Variants in FBXO36 observed in about 807,000 individuals in gnomAD.
FBXO36 encodes F-box only protein 36.
FBXO36 carries 18 observed loss-of-function variants against 17.0 expected under a neutral mutation model. The observed-to-expected ratio is 1.06, with a 90% CI of 0.73 to 1.57. The LOEUF (loss-of-function observed/expected upper bound fraction) is 1.57, where lower values mean the gene tolerates loss of function less well. FBXO36 is among the 40% of genes most tolerant of loss of function. The probability of loss-of-function intolerance (pLI) is 0.00; values close to 1 mark genes in which losing one functional copy is unlikely to be tolerated. For synonymous variants in FBXO36, 83 were observed against 85.3 expected (o/e 0.97, Z 0.15); for missense variants, 229 against 221.9 (o/e 1.03, Z -0.20).
At chr2:229,961,403 A>G (rs2077120107) in intron 1 of FBXO36, among the ~76,000 whole-genome samples, 2 of 151,862 alleles carry the variant, frequency 1.3e-5, no homozygotes, top group Admixed American at 6.6e-5. Flanking sequence ...TTGAGACGGC[A>G]TCTTGCTCTG....
chr2:229,965,419 C>T (rs1354769722), intron 1 of FBXO36, among the ~76,000 whole-genome samples: 3 of 151,002 alleles, frequency 2.0e-5, no homozygotes, highest in Non-Finnish European at 4.4e-5. Context: ...TACATGTGTA[C>T]AACATGCAGG....
Position 229,996,310 on chromosome 2 carries a change from A to G in FBXO36, c.206-441A>G, listed in dbSNP as rs144811478. On this transcript the variant is annotated intron_variant, in intron 2 of 3. Coordinates refer to ENST00000283946, the MANE Select transcript of FBXO36 (RefSeq NM_174899.5). ...TTAAATAAGAGATCAAATGTCAGCT[A>G]AAATTAGGAGACAATGTGTTTTAGA... Among the ~76,000 whole-genome samples the G allele has an allele frequency of 5.1e-3, 779 of 152,240 alleles. 5 individuals are homozygous for G. The highest frequency in any genetic ancestry group is 0.017 in the African/African-American group (727 of 41,550).
intron 1 of FBXO36, among the ~76,000 whole-genome samples, chr2:229,959,817 G>A (rs1390697092): frequency 2.0e-5 from 3 of 151,764 alleles, no homozygotes; most frequent in Admixed American, 6.6e-5. Context: ...CTGCACTCCA[G>A]CCTAGGCAAC....
intron 1 of FBXO36, among the ~76,000 whole-genome samples, chr2:229,951,379 G>C (rs1020067501): frequency 6.6e-6 from 1 of 152,078 alleles, no homozygotes; most frequent in African/African-American, 2.4e-5. Context: ...AAGTAGCTGG[G>C]ATTACAGGCA....
At chr2:229,937,347 T>G (rs1158823752) in intron 1 of FBXO36, among the ~76,000 whole-genome samples, 4 of 151,582 alleles carry the variant, frequency 2.6e-5, no homozygotes, top group Admixed American at 6.6e-5. Flanking sequence ...ATACAAAAAT[T>G]AGCCGAGTGT....
intron 1 of FBXO36, among the ~76,000 whole-genome samples, chr2:229,925,270 G>A (rs899520688): frequency 1.3e-5 from 2 of 151,958 alleles, no homozygotes; most frequent in Non-Finnish European, 2.9e-5. Context: ...TAATCTCCAA[G>A]CTAATTAATT....
chr2:230,003,209 TAAA>T (rs397872634), intron 3 of FBXO36, among the ~76,000 whole-genome samples: 22 of 104,572 alleles, frequency 2.1e-4, no homozygotes, highest in African/African-American at 5.3e-4. Context: ...GACTCCGTCT[TAAA>T]AAAAAAAAAA....
At chr2:229,929,214 G>A (rs976086937) in intron 1 of FBXO36, among the ~76,000 whole-genome samples, 8 of 152,016 alleles carry the variant, frequency 5.3e-5, no homozygotes, top group Admixed American at 2.0e-4. Flanking sequence ...GATTACAGGC[G>A]TGAGCCACTG....
chr2:229,998,966 C>G (rs1269215261), intron 3 of FBXO36, among the ~76,000 whole-genome samples: 1 of 151,490 alleles, frequency 6.6e-6, no homozygotes, highest in African/African-American at 2.4e-5. Flanking sequence ...CCACACCCGG[C>G]TAATTTTTTG....
chr2:229,985,716 T>G (rs2077264794), intron 2 of FBXO36, among the ~76,000 whole-genome samples: 1 of 152,130 alleles, frequency 6.6e-6, no homozygotes, highest in Non-Finnish European at 1.5e-5. Flanking sequence ...GATTAAAAAT[T>G]GAAATAATGC....
intron 1 of FBXO36, among the ~76,000 whole-genome samples, chr2:229,942,406 ACCCTGCAT>A (rs2106164536): frequency 6.6e-6 from 1 of 151,996 alleles, no homozygotes; most frequent in Non-Finnish European, 1.5e-5. Context: ...GTCTTTACCT[ACCCTGCAT>A]AAAAATGCTG....
At chr2:230,005,263 G>T (rs1207209573) in intron 3 of FBXO36, among the ~76,000 whole-genome samples, 1 of 150,872 alleles carries the variant, frequency 6.6e-6, no homozygotes, top group Non-Finnish European at 1.5e-5. Context: ...CACGACACCC[G>T]GCTAATTTTT....
intron 1 of FBXO36, among the ~76,000 whole-genome samples, chr2:229,964,873 T>C (rs2077142879): frequency 6.6e-6 from 1 of 152,198 alleles, no homozygotes; most frequent in African/African-American, 2.4e-5. Context: ...ATGGATGTAC[T>C]TACCTGTTTA....
rs2077414927 is a variant in FBXO36 at position 230,011,448 on chromosome 2, G to C, written c.*564G>C. 6.6e-6 allele frequency: 1 copy of C among 152,224 alleles called. No individual in the cohort carries two copies. Among genetic ancestry groups the C allele is most frequent in the Non-Finnish European group, 1.5e-5 (1 of 68,166 alleles). 9.4% of individuals were successfully genotyped at this position (152,224 alleles called of 1,614,324 possible). A position where few individuals can be genotyped will look rare whatever the true frequency, so the allele number is the denominator to read the frequency against. On this transcript the variant is annotated 3_prime_UTR_variant, in exon 4 of 4. Coordinates refer to ENST00000283946, the MANE Select transcript of FBXO36 (RefSeq NM_174899.5). ...TATCCTTGTGAGCCCAGGATGCCAG[G>C]GTCCATCCCCGCATGTAGACAGCTT...
chr2:229,927,252 G>C (rs1403103862), intron 1 of FBXO36, among the ~76,000 whole-genome samples: 1 of 152,126 alleles, frequency 6.6e-6, no homozygotes, highest in African/African-American at 2.4e-5. Context: ...GCTAGTATTT[G>C]ATTTGTAAAA....
At chr2:230,009,496 T>C (rs2077403637) in intron 3 of FBXO36, among the ~76,000 whole-genome samples, 1 of 152,208 alleles carries the variant, frequency 6.6e-6, no homozygotes. Flanking sequence ...AATAGAAGAA[T>C]AGAACATCTT....
intron 1 of FBXO36, among the ~76,000 whole-genome samples, chr2:229,929,956 T>C (rs1281079112): frequency 6.6e-6 from 1 of 152,220 alleles, no homozygotes; most frequent in Non-Finnish European, 1.5e-5. Flanking sequence ...CAGAAAGAAC[T>C]ACTGCTGCTC....
intron 1 of FBXO36, among the ~76,000 whole-genome samples, chr2:229,933,066 G>A (rs552984268): frequency 1.6e-3 from 236 of 152,162 alleles, no homozygotes; most frequent in Non-Finnish European, 3.0e-3. Flanking sequence ...GCGAGATTCC[G>A]TCTCAAAAAA....
At chr2:229,977,641 G>C (rs953837215) in intron 2 of FBXO36, among the ~76,000 whole-genome samples, 11 of 151,958 alleles carry the variant, frequency 7.2e-5, no homozygotes, top group African/African-American at 2.2e-4. Flanking sequence ...GTAGAGATGA[G>C]GTTTCACCAT....
Sources: gnomAD v4.1 joint callset for allele counts (sites outside exome capture counted in the v4.1 genomes callset) on GRCh38, gnomAD v4.1.1 for gene constraint, MANE v1.5 for transcripts, NCBI Gene and HGNC (gene_info 2026-07-23, HGNC 2026-07-21) for gene names.